DNAH8: variants seen among roughly 807,000 people sequenced by gnomAD.
The protein encoded by DNAH8 is dynein axonemal heavy chain 8.
Under a neutral mutation model 562.1 loss-of-function variants are expected in DNAH8, and 382 were observed. The observed-to-expected ratio is 0.68, with a 90% confidence interval of 0.63 to 0.74. The LOEUF (loss-of-function observed/expected upper bound fraction) is 0.74. Ranked by LOEUF, DNAH8 falls within the 30% of genes least tolerant of loss-of-function variation. DNAH8 has a pLI of 0.00. For missense variants in DNAH8, 5,203 were observed against 5,620.4 expected, an observed-to-expected ratio of 0.93 and a Z score of 2.37; for synonymous variants, 1,881 against 1,919.4, an observed-to-expected ratio of 0.98 and a Z score of 0.52.
rs1444389079 is a variant in DNAH8 at position 38,955,722 on chromosome 6, C to T, written c.12451+4202C>T. On this transcript the variant is annotated intron_variant, in intron 82 of 92. Coordinates refer to ENST00000327475, the MANE Select transcript of DNAH8 (RefSeq NM_001206927.2). The stretch of plus-strand genomic sequence containing the variant: ...TGTCAGCAAGATGTCTCATATCCCT[C>T]CACATATCCCTCCCTCATATCCCAC... Among the ~76,000 whole-genome samples, 4 of 152,184 alleles carry T rather than the reference C, an allele frequency of 2.6e-5. No individual in the cohort carries two copies. The East Asian group carries it at 7.7e-4, about 29-fold the overall frequency.
intron 82 of DNAH8, among the ~76,000 whole-genome samples, chr6:38,962,757 T>C (rs533873046): frequency 6.6e-6 from 1 of 152,174 alleles, no homozygotes; most frequent in Non-Finnish European, 1.5e-5. Context: ...AGGGACAAGA[T>C]AGATAATATG....
chr6:38,949,373 T>A, intron 80 of DNAH8, 79 bp from the exon 81 acceptor site: 1 of 877,014 alleles, frequency 1.1e-6, no homozygotes, highest in Admixed American at 1.8e-5. Context: ...AATGACCCTC[T>A]CAGGTGATTC....
At chr6:38,903,132 G>T (rs1780185574) in intron 62 of DNAH8, among the ~76,000 whole-genome samples, 1 of 152,160 alleles carries the variant, frequency 6.6e-6, no homozygotes, top group Non-Finnish European at 1.5e-5. Flanking sequence ...GCCTAGGTAT[G>T]TGTAGGCATA....
intron 76 of DNAH8, among the ~76,000 whole-genome samples, chr6:38,934,401 C>CA (rs1782788023): frequency 6.6e-6 from 1 of 151,024 alleles, no homozygotes; most frequent in African/African-American, 2.4e-5. Context: ...AAAAAAATCA[C>CA]AAAAAAACAA....
At chr6:38,877,187 A>G (rs1778085275) in intron 53 of DNAH8, among the ~76,000 whole-genome samples, 1 of 152,168 alleles carries the variant, frequency 6.6e-6, no homozygotes, top group Admixed American at 6.5e-5. Flanking sequence ...CAAGTTACTC[A>G]GAGAGTGAAA....
chr6:38,912,668 T>G (rs1316897079), intron 66 of DNAH8, among the ~76,000 whole-genome samples: 1 of 152,232 alleles, frequency 6.6e-6, no homozygotes, highest in African/African-American at 2.4e-5. Flanking sequence ...AACACAATGT[T>G]AAATTTTTAG....
chr6:38,735,053 C>T (rs748275995), intron 5 of DNAH8, among the ~76,000 whole-genome samples: 59 of 152,088 alleles, frequency 3.9e-4, no homozygotes, highest in Non-Finnish European at 5.4e-4. Context: ...CCAGAGAGAC[C>T]GAAATTTGCC....
At chr6:38,932,518 C>A (rs535756768) in intron 76 of DNAH8, among the ~76,000 whole-genome samples, 20 of 152,170 alleles carry the variant, frequency 1.3e-4, no homozygotes, top group Middle Eastern at 3.4e-3. Flanking sequence ...TTTTAAGAGA[C>A]TGATACAAGA....
intron 85 of DNAH8, among the ~76,000 whole-genome samples, chr6:38,979,508 T>TA (rs1183993053): frequency 1.3e-5 from 2 of 152,098 alleles, no homozygotes; most frequent in African/African-American, 2.4e-5. Flanking sequence ...CAAGGTAATT[T>TA]AAAAAAATAG....
chr6:38,950,203 T>A (rs1761772641), intron 81 of DNAH8, among the ~76,000 whole-genome samples: 1 of 151,172 alleles, frequency 6.6e-6, no homozygotes, highest in Non-Finnish European at 1.5e-5. Context: ...TGTGTGTGTG[T>A]GTGTGTGTGT....
chr6:38,786,021 C>T (rs1331339543), intron 17 of DNAH8, among the ~76,000 whole-genome samples: 3 of 152,142 alleles, frequency 2.0e-5, no homozygotes, highest in Non-Finnish European at 4.4e-5. Context: ...TTTGTTAATA[C>T]AAGATGTAAT....
At chr6:38,925,271 C>T (rs979649716) in intron 73 of DNAH8, among the ~76,000 whole-genome samples, 1 of 150,530 alleles carries the variant, frequency 6.6e-6, no homozygotes, top group Non-Finnish European at 1.5e-5. Flanking sequence ...GGCTGGTTGG[C>T]TCATTGGATC....
intron 38 of DNAH8, 91 bp downstream of exon 38, chr6:38,850,505 T>C (rs947613288): frequency 5.0e-6 from 6 of 1,203,740 alleles, no homozygotes; most frequent in Non-Finnish European, 7.0e-6. Context: ...TCTGGTTTGG[T>C]AGTGATGGTT....
At chr6:38,954,351 A>G (rs1298706675) in intron 82 of DNAH8, among the ~76,000 whole-genome samples, 2 of 152,228 alleles carry the variant, frequency 1.3e-5, no homozygotes, top group Non-Finnish European at 2.9e-5. Context: ...TGATATAACA[A>G]TATGTACAGA....
chr6:39,016,875 GC>G (rs1449385835), intron 91 of DNAH8, among the ~76,000 whole-genome samples: 4 of 152,154 alleles, frequency 2.6e-5, no homozygotes, highest in African/African-American at 9.7e-5. Context: ...CAGCACCTGA[GC>G]TTCTGCTGTT....
chr6:38,853,132 T>A (rs878913614), intron 40 of DNAH8, 54 bp from the exon 41 acceptor site: 4 of 1,439,358 alleles, frequency 2.8e-6, no homozygotes, highest in South Asian at 1.3e-5. Context: ...ATGGAACGTC[T>A]GTAAAAATGC....
At chr6:39,011,600 G>C (rs1161714034) in intron 89 of DNAH8, among the ~76,000 whole-genome samples, 1 of 152,052 alleles carries the variant, frequency 6.6e-6, no homozygotes, top group South Asian at 2.1e-4. Context: ...CTTTTGTATT[G>C]ATCTCTTCAA....
intron 91 of DNAH8, 105 bp from the exon 92 acceptor site, chr6:39,026,441 G>A (rs1767289721): frequency 1.7e-6 from 2 of 1,183,112 alleles, no homozygotes; most frequent in African/African-American, 1.5e-5. Context: ...TGAGATGGAT[G>A]TGTAGTTTGG....
chr6:38,840,145 C>A (rs1774657630), intron 33 of DNAH8, among the ~76,000 whole-genome samples: 1 of 152,152 alleles, frequency 6.6e-6, no homozygotes. Context: ...ATATGGATTT[C>A]ATATTTTAAA....
Sources: gnomAD v4.1 joint callset for allele counts (sites outside exome capture counted in the v4.1 genomes callset) on GRCh38, gnomAD v4.1.1 for gene constraint, MANE v1.5 for transcripts, NCBI Gene and HGNC (gene_info 2026-07-23, HGNC 2026-07-21) for gene names.